The following DENND4C variants were observed in gnomAD, a reference collection of about 807,000 sequenced individuals.
DENND4C encodes the protein DENN domain containing 4C.
A neutral mutation model predicts 203.0 loss-of-function variants in DENND4C; 108 were observed. The observed-to-expected ratio is 0.53, with a 90% CI of 0.46 to 0.62. The LOEUF (loss-of-function observed/expected upper bound fraction) is 0.62. Among genes scored for constraint, DENND4C ranks in the 20% least tolerant of loss-of-function variants. The probability of loss-of-function intolerance (pLI) is 0.00; values close to 1 mark genes in which losing one functional copy is unlikely to be tolerated. For synonymous variants in DENND4C, 871 were observed against 792.4 expected, an observed-to-expected ratio of 1.10 and a Z score of -1.67; for missense variants, 2,481 against 2,301.2, an observed-to-expected ratio of 1.08 and a Z score of -1.60.
In DENND4C at chr9:19,324,415, A is replaced by C; in HGVS notation, c.1861A>C (p.Lys621Gln). 1 of 1,612,974 alleles carries C rather than the reference A, an allele frequency of 6.2e-7. No homozygotes were observed. Among genetic ancestry groups the C allele is most frequent in the South Asian group, 1.1e-5 (1 of 90,896 alleles). ...TGCAAAATTCTATACCCTTTTATCC[A>C]AAACACAGATTTTTATTCGTTTCAT... ...AYAKFYTLLS[K>Q]TQIFIRFIEE... Residue 621 changes from lysine to glutamine, a missense_variant, in exon 13 of 33, where the codon AAA (lysine) becomes CAA (glutamine). By Grantham distance (53) the Lys-to-Gln change is moderately conservative. Coordinates refer to ENST00000434457, the MANE Select transcript of DENND4C (RefSeq NM_001330640.2).
At chr9:19,288,934 C>T (rs1222948843) in intron 4 of DENND4C, among the ~76,000 whole-genome samples, 1 of 152,192 alleles carries the variant, frequency 6.6e-6, no homozygotes, top group Non-Finnish European at 1.5e-5. Context: ...TTTTGGTCTA[C>T]GTTAATAGAC....
chr9:19,286,234 A>T (rs1835189560), intron 2 of DENND4C, among the ~76,000 whole-genome samples: 1 of 152,124 alleles, frequency 6.6e-6, no homozygotes, highest in African/African-American at 2.4e-5. Flanking sequence ...AATCAGATTA[A>T]TTCAATTTTC....
intron 16 of DENND4C, among the ~76,000 whole-genome samples, chr9:19,328,780 G>T (rs1005691391): frequency 6.6e-6 from 1 of 151,842 alleles, no homozygotes; most frequent in Non-Finnish European, 1.5e-5. Context: ...CGGGCGCAGT[G>T]GCTCACCCCT....
chr9:19,288,584 C>T lies in DENND4C; in HGVS notation c.559-12C>T, dbSNP rs60679697. ...TTTTGTCTTTTTTATAAACCTAATT[C>T]ATGTTTTACAGTGGGGTTCCAGCGT... On this transcript the variant is annotated splice_polypyrimidine_tract_variant and intron_variant, in intron 3 of 32. Transcript: ENST00000434457. The T allele has an allele frequency of 7.6e-3, 9,350 of 1,229,230 alleles. 538 individuals are homozygous for T. The African/African-American group carries it at 0.13, about 17-fold the overall frequency. The allele number at this position is 1,229,230 out of a possible 1,614,324, so 76.1% of individuals were successfully genotyped here.
intron 28 of DENND4C, among the ~76,000 whole-genome samples, chr9:19,359,922 A>G (rs999286114): frequency 6.6e-6 from 1 of 152,200 alleles, no homozygotes; most frequent in Admixed American, 6.5e-5. Flanking sequence ...ACACACATAC[A>G]TTACTATAAA....
In DENND4C at chr9:19,307,642, C is replaced by T. The variant is rs182533703; in HGVS notation, c.1487+2115C>T. Among the ~76,000 whole-genome samples, 206 of 151,352 alleles carry T rather than the reference C, an allele frequency of 1.4e-3. 1 individual carries two copies. The highest frequency in any genetic ancestry group is 4.6e-3 in the African/African-American group (191 of 41,310). Reference sequence around the variant, plus strand: ...AAAATTAGCCAGGCATGGTGGTGGGCGCCTGTAATCCCAACTACTCGGGAG... The same window carrying T: ...AAAATTAGCCAGGCATGGTGGTGGGTGCCTGTAATCCCAACTACTCGGGAG... On this transcript the variant is annotated intron_variant, in intron 10 of 32. Coordinates refer to ENST00000434457, the MANE Select transcript of DENND4C (RefSeq NM_001330640.2).
At chr9:19,341,221 G>A (rs1393225299) in intron 21 of DENND4C, 107 bp downstream of exon 21, 2 of 948,570 alleles carry the variant, frequency 2.1e-6, no homozygotes, top group Non-Finnish European at 3.0e-6. Context: ...ACAAATGTAA[G>A]GTCTGGCTCC....
intron 1 of DENND4C, among the ~76,000 whole-genome samples, chr9:19,240,693 A>G (rs575956332): frequency 6.7e-6 from 1 of 150,226 alleles, no homozygotes; most frequent in East Asian, 2.0e-4. Flanking sequence ...AAGGCCAGGC[A>G]TGGTTGCTCA....
In DENND4C at chr9:19,296,193, T is replaced by C; in HGVS notation, c.987T>C (p.Leu329=). 1 of 1,613,828 alleles carries C rather than the reference T, an allele frequency of 6.2e-7. No homozygotes were observed. The highest frequency in any genetic ancestry group is 8.5e-7 in the Non-Finnish European group (1 of 1,179,812). ...WPFFEAFRKF[L]MFIYKLSVSG... ...TTTTTGAAGCTTTTAGGAAATTTCT[T>C]ATGTTTATCTACAAACTTTCTGTGT... The change falls in exon 6 of 33, where the codon CTT becomes CTC. Residue 329 remains leucine, a synonymous_variant. Transcript: ENST00000434457.
chr9:19,355,248 G>C (rs1233655987), intron 26 of DENND4C, among the ~76,000 whole-genome samples: 2 of 151,962 alleles, frequency 1.3e-5, no homozygotes, highest in African/African-American at 4.8e-5. Context: ...TCTTTTTCTT[G>C]TTGATCTGAC....
rs145911533 is a variant in DENND4C, at chr9:19,292,087, C to T, written c.801+1211C>T. On this transcript the variant is annotated intron_variant, in intron 5 of 32. Transcript: ENST00000434457. ...TTGCCCAGGCTGGAGTGCAGTGGTGCGATCTCGGCTCACTGCAACCTCCAC... is the reference window on the plus strand; with the variant it reads ...TTGCCCAGGCTGGAGTGCAGTGGTGTGATCTCGGCTCACTGCAACCTCCAC... 6.7e-4 allele frequency among the ~76,000 whole-genome samples: 102 copies of T among 151,936 alleles called. No individual in the cohort carries two copies. The East Asian group carries it at 0.018, about 27-fold the overall frequency.
At chr9:19,312,448 A>G (rs1196257881) in intron 10 of DENND4C, among the ~76,000 whole-genome samples, 1 of 152,200 alleles carries the variant, frequency 6.6e-6, no homozygotes, top group African/African-American at 2.4e-5. Context: ...TGTGTATTGC[A>G]GTGTGCTGCT....
At chr9:19,371,844 T>C in intron 32 of DENND4C, 24 bp downstream of exon 32, 2 of 1,391,214 alleles carry the variant, frequency 1.4e-6, no homozygotes, top group Non-Finnish European at 2.0e-6. Flanking sequence ...TAAAAGATTA[T>C]GAAAGGAAGT....
intron 1 of DENND4C, among the ~76,000 whole-genome samples, chr9:19,265,663 C>G (rs1013500758): frequency 3.9e-5 from 6 of 151,994 alleles, no homozygotes; most frequent in South Asian, 2.1e-4. Context: ...TCCAAGTGTT[C>G]TTATTGTTCA....
chr9:19,232,117 A>C (rs781625238), intron 1 of DENND4C, among the ~76,000 whole-genome samples: 13 of 152,242 alleles, frequency 8.5e-5, no homozygotes, highest in Non-Finnish European at 1.5e-4. Flanking sequence ...CATGCAAAAA[A>C]GAAACTATAT....
At chr9:19,357,905 C>T in intron 27 of DENND4C, 60 bp from the exon 28 acceptor site, 2 of 1,347,726 alleles carry the variant, frequency 1.5e-6, no homozygotes, top group Non-Finnish European at 1.0e-6. Flanking sequence ...TACTCTAGCT[C>T]TACAGATTTA....
intron 9 of DENND4C, among the ~76,000 whole-genome samples, chr9:19,303,144 A>G (rs1838942036): frequency 6.6e-6 from 1 of 152,102 alleles, no homozygotes; most frequent in African/African-American, 2.4e-5. Flanking sequence ...GAACATCCCT[A>G]ATCTAAAAAT....
At chr9:19,310,423 T>C (rs993019806) in intron 10 of DENND4C, among the ~76,000 whole-genome samples, 1 of 152,234 alleles carries the variant, frequency 6.6e-6, no homozygotes, top group Admixed American at 6.5e-5. Context: ...TAAAGTTTTA[T>C]TGGAACACAG....
chr9:19,339,382 T>C (rs184614775), intron 20 of DENND4C, among the ~76,000 whole-genome samples: 1 of 152,328 alleles, frequency 6.6e-6, no homozygotes, highest in East Asian at 1.9e-4. Context: ...CTTTAAAAAA[T>C]CTTTTATGAC....
Sources: allele counts gnomAD v4.1 joint callset (sites outside exome capture counted in the v4.1 genomes callset), GRCh38; gene constraint gnomAD v4.1.1; transcripts MANE v1.5; gene names NCBI Gene and HGNC (gene_info 2026-07-23, HGNC 2026-07-21).